The following WASF1 variants were observed in gnomAD, a reference collection of about 807,000 sequenced individuals.
WASF1 encodes the protein actin-binding protein WASF1.
WASF1 carries 7 observed loss-of-function variants against 50.5 expected under a neutral mutation model. The ratio of observed to expected loss-of-function variants is 0.14; its 90% CI spans 0.08 to 0.26. The LOEUF (loss-of-function observed/expected upper bound fraction) is 0.26, where lower values mean the gene tolerates loss of function less well. WASF1 is among the 10% of genes least tolerant of loss of function. WASF1 has a pLI of 1.00. For missense variants in WASF1, 470 were observed against 694.7 expected (o/e 0.68, Z 3.64); for synonymous variants, 205 against 244.0 (o/e 0.84, Z 1.49).
At chr6:110,160,816 A>G (rs1054845608) in intron 2 of WASF1, 84 bp from the exon 3 acceptor site, 2 of 151,688 alleles carry the variant, frequency 1.3e-5, no homozygotes, top group East Asian at 3.9e-4. Context: ...TTTTTCTTTG[A>G]ATAATTAGAA....
intron 2 of WASF1, among the ~76,000 whole-genome samples, chr6:110,169,892 C>G (rs1776631089): frequency 6.6e-6 from 1 of 151,940 alleles, no homozygotes; most frequent in African/African-American, 2.4e-5. Context: ...ATTAAGAAAC[C>G]AAACAGCAAA....
rs1451589085 is a variant in WASF1 at position 110,102,030 on chromosome 6, G to A, written c.1080C>T (p.Ala360=). Residue 360 remains alanine (A), a synonymous_variant, in exon 10 of 11, where the codon GCC becomes GCT. Transcript: ENST00000392589. ...PPVPPPPPPP[A]TALQAPAVPP... ...GTACTGCTGGAGCTTGCAAAGCAGT[G>A]GCTGGAGGTGGAGGTGGGGGAGGTA... 14 of 1,539,288 alleles carry A rather than the reference G, an allele frequency of 9.1e-6. No individual in the cohort carries two copies. Among genetic ancestry groups the A allele is most frequent in the East Asian group, 2.3e-5 (1 of 44,128 alleles).
chr6:110,100,152 A>G lies in WASF1; in HGVS notation c.*370T>C, dbSNP rs1462887199. 1 of 159,694 alleles carries G rather than the reference A, an allele frequency of 6.3e-6. No individual in the cohort carries two copies. Among genetic ancestry groups the G allele is most frequent in the East Asian group, 1.8e-4 (1 of 5,478 alleles). 9.9% of individuals were successfully genotyped at this position (159,694 alleles called of 1,614,324 possible). A position where few individuals can be genotyped will look rare whatever the true frequency, so the allele number is the denominator to read the frequency against. The stretch of plus-strand genomic sequence containing the variant: ...ATCAGGAAATGGAATAAGGCTCATT[A>G]GTAGACACAGCTGCCCTCAAGATTT... On this transcript the variant is annotated 3_prime_UTR_variant, in exon 11 of 11. Transcript: ENST00000392589.
At chr6:110,161,219 G>A (rs1358394972) in intron 2 of WASF1, among the ~76,000 whole-genome samples, 1 of 151,412 alleles carries the variant, frequency 6.6e-6, no homozygotes, top group African/African-American at 2.4e-5. Flanking sequence ...TTTTACTCAC[G>A]ATGTACTGTT....
intron 4 of WASF1, among the ~76,000 whole-genome samples, chr6:110,114,937 C>G (rs752919321): frequency 6.6e-6 from 1 of 151,688 alleles, no homozygotes; most frequent in Non-Finnish European, 1.5e-5. Flanking sequence ...ACCAAAAATA[C>G]AGAAATTAGC....
intron 3 of WASF1, among the ~76,000 whole-genome samples, chr6:110,147,097 C>T (rs1775599616): frequency 6.6e-6 from 1 of 152,034 alleles, no homozygotes; most frequent in Non-Finnish European, 1.5e-5. Context: ...CCTGTAATCC[C>T]AGCACTTTGG....
chr6:110,178,240 TC>T, intron 2 of WASF1, among the ~76,000 whole-genome samples: 1 of 152,074 alleles, frequency 6.6e-6, no homozygotes, highest in Non-Finnish European at 1.5e-5. Context: ...ATTCAAAACT[TC>T]CGAAATTTTA....
intron 5 of WASF1, 132 bp downstream of exon 5, chr6:110,113,194 A>G (rs1190020763): frequency 3.8e-6 from 3 of 785,540 alleles, no homozygotes; most frequent in Non-Finnish European, 3.5e-6. Flanking sequence ...TCACTGATTT[A>G]TTACAATATG....
At chr6:110,113,613 C>T (rs1414566760) in intron 4 of WASF1, among the ~76,000 whole-genome samples, 153 bp from the exon 5 acceptor site, 1 of 151,982 alleles carries the variant, frequency 6.6e-6, no homozygotes. Context: ...AACTGGTGAC[C>T]TGTTGAATTT....
At chr6:110,125,761 TCTGATTCTAAATGTGAAGCACCCAACA>T (rs1774391648) in intron 4 of WASF1, among the ~76,000 whole-genome samples, 2 of 152,232 alleles carry the variant, frequency 1.3e-5, no homozygotes, top group Admixed American at 1.3e-4. Flanking sequence ...CTTCCAGGTC[TCTGATTCTAAATGTGAAGCACCCAACA>T]CCTAATTTAG....
chr6:110,142,319 TTTCA>T (rs142486083), intron 3 of WASF1, among the ~76,000 whole-genome samples: 11,039 of 152,232 alleles, frequency 0.073, 537 homozygotes, highest in African/African-American at 0.14. Flanking sequence ...GAAAAATGGC[TTTCA>T]TTGTGATTAA....
intron 3 of WASF1, among the ~76,000 whole-genome samples, chr6:110,141,758 A>G (rs1775248729): frequency 6.6e-6 from 1 of 151,954 alleles, no homozygotes; most frequent in African/African-American, 2.4e-5. Context: ...GAAGACAGAC[A>G]CACATACACT....
At chr6:110,100,831 G>A (rs2114443815) in intron 10 of WASF1, 152 bp from the exon 11 acceptor site, 1 of 996,854 alleles carries the variant, frequency 1.0e-6, no homozygotes, top group African/African-American at 1.7e-5. Context: ...TACTGAGAGA[G>A]GCATTAAATC....
intron 9 of WASF1, 122 bp from the exon 10 acceptor site, chr6:110,102,338 C>T (rs898172166): frequency 9.7e-6 from 10 of 1,034,470 alleles, no homozygotes; most frequent in East Asian, 6.1e-5. Context: ...TAACATGCTC[C>T]TATAGAAATT....
intron 4 of WASF1, among the ~76,000 whole-genome samples, chr6:110,120,673 T>C (rs1774067817): frequency 6.6e-6 from 1 of 152,280 alleles, no homozygotes; most frequent in East Asian, 1.9e-4. Context: ...CTTCACAGAA[T>C]TGGAAAAAAC....
intron 5 of WASF1, among the ~76,000 whole-genome samples, chr6:110,110,088 C>A (rs1773492955): frequency 6.6e-6 from 1 of 152,100 alleles, no homozygotes; most frequent in East Asian, 1.9e-4. Context: ...CCCACTATCA[C>A]TAAAAAGTGG....
chr6:110,135,933 G>C (rs1386142048), intron 3 of WASF1, among the ~76,000 whole-genome samples: 1 of 132,216 alleles, frequency 7.6e-6, no homozygotes, highest in Non-Finnish European at 1.5e-5. Context: ...GCCCAGGCTA[G>C]AGTGCAGTGG....
chr6:110,137,459 T>G (rs939003065), intron 3 of WASF1, among the ~76,000 whole-genome samples: 1 of 152,232 alleles, frequency 6.6e-6, no homozygotes, highest in African/African-American at 2.4e-5. Context: ...ATTCAAAATC[T>G]AAGCTGTTGG....
intron 4 of WASF1, among the ~76,000 whole-genome samples, chr6:110,115,425 G>C (rs1290660703): frequency 6.6e-6 from 1 of 152,202 alleles, no homozygotes; most frequent in East Asian, 1.9e-4. Flanking sequence ...CATGGACAAT[G>C]AGAATCCTTT....
Sources: gnomAD v4.1 joint callset for allele counts (sites outside exome capture counted in the v4.1 genomes callset) on GRCh38, gnomAD v4.1.1 for gene constraint, MANE v1.5 for transcripts, NCBI Gene and HGNC (gene_info 2026-07-23, HGNC 2026-07-21) for gene names.